SENP5: variants seen among roughly 807,000 people sequenced by gnomAD.
SENP5 encodes the protein SUMO specific peptidase 5.
Under a neutral mutation model 74.2 loss-of-function variants are expected in SENP5, and 21 were observed. The observed-to-expected ratio is 0.28, with a 90% CI of 0.20 to 0.41. The LOEUF (loss-of-function observed/expected upper bound fraction) is 0.41. Ranked by LOEUF, SENP5 falls within the 10% of genes least tolerant of loss-of-function variation. The pLI, the probability that SENP5 is intolerant of heterozygous loss-of-function variation, is 1.00. For missense variants in SENP5, 717 were observed against 889.1 expected (o/e 0.81, Z 2.46); for synonymous variants, 311 against 312.7 (o/e 0.99, Z 0.06).
chr3:196,925,730 C>T (rs1393142471), intron 7 of SENP5, among the ~76,000 whole-genome samples: 1 of 152,150 alleles, frequency 6.6e-6, no homozygotes, highest in African/African-American at 2.4e-5. Flanking sequence ...ATCATTAGGG[C>T]CTGGTTCTGC....
At chr3:196,913,864 G>C (rs931520738) in intron 6 of SENP5, 1 of 151,920 alleles carries the variant, frequency 6.6e-6, no homozygotes. Context: ...GGCTAGGCTG[G>C]TCTCGAACTC....
chr3:196,914,586 A>AAAAAAAAAAAAAAAAATATAT, intron 6 of SENP5: 2 of 33,510 alleles, frequency 6.0e-5, no homozygotes, highest in African/African-American at 1.8e-4. Flanking sequence ...AAAAAAAAAA[A>AAAAAAAAAAAAAAAAATATAT]ATATATATAT....
At chr3:196,928,409 C>T (rs1162776496) in intron 8 of SENP5, among the ~76,000 whole-genome samples, 1 of 152,112 alleles carries the variant, frequency 6.6e-6, no homozygotes, top group African/African-American at 2.4e-5. Flanking sequence ...TCGTAAATAC[C>T]AGTGTCTTCA....
At chr3:196,901,049 C>CT (rs202049526) in intron 5 of SENP5, among the ~76,000 whole-genome samples, 33,979 of 107,382 alleles carry the variant, frequency 0.32, 4,400 homozygotes, top group South Asian at 0.38. Context: ...ATTTATTTTA[C>CT]TTTTTTTTTT....
At position 196,891,641 on chromosome 3, in the gene SENP5, A is replaced by G. The variant is rs921887805; in HGVS notation, c.1513+4947A>G. 2.0e-5 allele frequency among the ~76,000 whole-genome samples: 3 copies of G among 152,204 alleles called. No homozygotes were observed. The East Asian group carries it at 5.8e-4, about 29-fold the overall frequency. ...ATTTAGCGAGACTCTATTGCTACAA[A>G]AAATAAAATTATCTGCATGTGGTGG... On this transcript the variant is annotated intron_variant, in intron 2 of 9. Coordinates refer to ENST00000323460, the MANE Select transcript of SENP5 (RefSeq NM_152699.5).
intron 2 of SENP5, among the ~76,000 whole-genome samples, chr3:196,897,851 T>G (rs1714509003): frequency 6.6e-6 from 1 of 152,160 alleles, no homozygotes; most frequent in African/African-American, 2.4e-5. Flanking sequence ...AAGCCTTGCC[T>G]CAGCTTTTTT....
chr3:196,879,821 A>G (rs79997742), intron 1 of SENP5, among the ~76,000 whole-genome samples: 1 of 152,190 alleles, frequency 6.6e-6, no homozygotes, highest in Admixed American at 6.5e-5. Flanking sequence ...AGATTGCTCA[A>G]AATTTTAAAT....
chr3:196,900,267 A>G, intron 4 of SENP5, 98 bp from the exon 5 acceptor site: 12 of 1,211,128 alleles, frequency 9.9e-6, no homozygotes, highest in South Asian at 4.3e-5. Flanking sequence ...ACTGAATTGT[A>G]TAGGGTTAGT....
intron 1 of SENP5, among the ~76,000 whole-genome samples, chr3:196,884,896 A>G (rs1713886451): frequency 6.6e-6 from 1 of 152,002 alleles, no homozygotes; most frequent in East Asian, 1.9e-4. Flanking sequence ...CCTGGTCGAA[A>G]ATGATTCTTA....
At chr3:196,878,366 T>G (rs564659452) in intron 1 of SENP5, among the ~76,000 whole-genome samples, 99 of 152,164 alleles carry the variant, frequency 6.5e-4, no homozygotes, top group Middle Eastern at 6.8e-3. Flanking sequence ...CTATCTGGAG[T>G]AGAAAACGAT....
At chr3:196,908,833 A>C (rs1392999769) in intron 6 of SENP5, among the ~76,000 whole-genome samples, 10 of 152,182 alleles carry the variant, frequency 6.6e-5, no homozygotes, top group Admixed American at 4.6e-4. Flanking sequence ...CAAAACAAAC[A>C]AACAAAAACA....
intron 1 of SENP5, among the ~76,000 whole-genome samples, chr3:196,884,923 A>G (rs1713887754): frequency 6.6e-6 from 1 of 152,134 alleles, no homozygotes; most frequent in Admixed American, 6.5e-5. Flanking sequence ...TTTTTCTCAG[A>G]GGCAGGTGTA....
At position 196,885,284 on chromosome 3, in the gene SENP5, C is replaced by G. The variant is rs769743600; in HGVS notation, c.103C>G (p.Gln35Glu). 1.9e-5 allele frequency: 30 copies of G among 1,613,892 alleles called. No homozygotes were observed. Residue 35 changes from glutamine to glutamate, a missense_variant, in exon 2 of 10, where the codon CAA (glutamine) becomes GAA (glutamate). Physicochemically the swap from Gln to Glu is conservative, Grantham distance 29. Around this residue, in one of 4 missense-constraint regions of SENP5, gnomAD observed 567 missense variants for 577.4 expected, o/e 0.98. Transcript: ENST00000323460. Reference protein sequence around the residue: ...FGGFKKFYFHQHLCILKAKLG... With the variant: ...FGGFKKFYFHEHLCILKAKLG... ...AGGCTTTAAGAAGTTTTATTTTCAC[C>G]AACACTTGTGCATTCTGAAAGCTAA... is the stretch of plus-strand genomic sequence containing the variant.
intron 1 of SENP5, among the ~76,000 whole-genome samples, chr3:196,874,900 G>T (rs184475630): frequency 5.4e-4 from 82 of 152,130 alleles, no homozygotes; most frequent in African/African-American, 1.9e-3. Flanking sequence ...AGTTCCTTGG[G>T]CTATTGCCCT....
intron 5 of SENP5, among the ~76,000 whole-genome samples, chr3:196,901,844 A>G (rs1261814664): frequency 6.6e-6 from 1 of 152,216 alleles, no homozygotes; most frequent in African/African-American, 2.4e-5. Flanking sequence ...AATTCTAAAC[A>G]TTCATGGAGT....
At chr3:196,924,428 G>T (rs1466160222) in intron 7 of SENP5, among the ~76,000 whole-genome samples, 1 of 152,168 alleles carries the variant, frequency 6.6e-6, no homozygotes, top group Non-Finnish European at 1.5e-5. Flanking sequence ...ATGGACAAAG[G>T]CTAATTTAGT....
chr3:196,880,138 G>T (rs1713660534), intron 1 of SENP5, among the ~76,000 whole-genome samples: 1 of 152,082 alleles, frequency 6.6e-6, no homozygotes, highest in African/African-American at 2.4e-5. Context: ...TAGAGACAGG[G>T]TTTCTCTATG....
At chr3:196,911,751 G>A (rs750604720) in intron 6 of SENP5, among the ~76,000 whole-genome samples, 7 of 151,980 alleles carry the variant, frequency 4.6e-5, no homozygotes, top group Admixed American at 4.6e-4. Context: ...CAGAGGTTGC[G>A]TGAGCTGAGA....
In SENP5 at chr3:196,886,654, C is replaced by T. The variant is rs1410337313; in HGVS notation, c.1473C>T (p.Ala491=). ...GAGGTGGAAAGAACAGTCAGAAAGC[C>T]TCTCCAGTGGATGATGAACAGCTGT... is the stretch of plus-strand genomic sequence containing the variant. The part of the protein sequence containing the change: ...QVGGGKNSQK[A]SPVDDEQLSV... Residue 491 remains alanine (A), a synonymous_variant, in exon 2 of 10, where the codon GCC becomes GCT. Transcript: ENST00000323460. 1 of 1,594,332 alleles carries T rather than the reference C, an allele frequency of 6.3e-7. No homozygotes were observed. Among genetic ancestry groups the T allele is most frequent in the Middle Eastern group, 1.7e-4 (1 of 5,948 alleles).
Sources: gnomAD v4.1 joint callset for allele counts (sites outside exome capture counted in the v4.1 genomes callset) on GRCh38, gnomAD v4.1.1 for gene constraint, gnomAD v4.1.1 regional missense constraint, MANE v1.5 for transcripts, NCBI Gene and HGNC (gene_info 2026-07-23, HGNC 2026-07-21) for gene names.